Variants in NRG1 observed in about 807,000 individuals in gnomAD.
The protein encoded by NRG1 is neuregulin 1.
In NRG1, 18 loss-of-function variants were observed where a neutral mutation model predicts 63.8. The observed-to-expected ratio is 0.28, with a 90% CI of 0.19 to 0.42. The LOEUF is 0.42. Ranked by LOEUF, NRG1 falls within the 10% of genes least tolerant of loss-of-function variation. The pLI, the probability that NRG1 is intolerant of heterozygous loss-of-function variation, is 1.00. For missense variants in NRG1, 762 were observed against 814.7 expected (o/e 0.94, Z 0.79); for synonymous variants, 302 against 301.3 (o/e 1.00, Z -0.02).
intron 8 of NRG1, among the ~76,000 whole-genome samples, chr8:32,754,805 C>T (rs1829383942): frequency 6.6e-6 from 1 of 152,048 alleles, no homozygotes; most frequent in South Asian, 2.1e-4. Flanking sequence ...AGGGAGGGTA[C>T]CAGAAGTCCA....
chr8:32,221,698 A>G (rs1751292874), intron 1 of NRG1, among the ~76,000 whole-genome samples: 1 of 152,098 alleles, frequency 6.6e-6, no homozygotes, highest in Admixed American at 6.5e-5. Context: ...TTGATTGGGT[A>G]CTGATTATGG....
chr8:32,303,992 G>A (rs1015264568), intron 1 of NRG1, among the ~76,000 whole-genome samples: 4 of 152,178 alleles, frequency 2.6e-5, no homozygotes, highest in Admixed American at 2.6e-4. Context: ...CATCTGAACT[G>A]TGAAATTTTG....
At position 32,611,781 on chromosome 8, in the gene NRG1, TGA is replaced by T. The variant is rs1588684083; in HGVS notation, c.401-2732_401-2731del. On this transcript the variant is annotated intron_variant, in intron 3 of 11. Transcript: ENST00000356819. ...AAGTTTGGTAAAAAAGTCACATAAG[TGA>T]ATGTTGGAATACACACAGACACATT... 2.0e-5 allele frequency among the ~76,000 whole-genome samples: 3 copies of T among 152,126 alleles called. No individual in the cohort carries two copies. In the East Asian group the frequency reaches 5.8e-4, roughly 29 times the overall value.
At chr8:31,824,169 C>A (rs1343008849) in intron 1 of NRG1, among the ~76,000 whole-genome samples, 1 of 103,054 alleles carries the variant, frequency 9.7e-6, no homozygotes, top group Non-Finnish European at 1.9e-5. Flanking sequence ...CTTCCCCCCT[C>A]CCCCCTCCCC....
chr8:32,557,515 C>T (rs1835420487), intron 1 of NRG1, among the ~76,000 whole-genome samples: 1 of 152,082 alleles, frequency 6.6e-6, no homozygotes, highest in Non-Finnish European at 1.5e-5. Flanking sequence ...TCTTGAAGCC[C>T]ATGAGATGGT....
chr8:31,840,929 G>C (rs1214807619), intron 1 of NRG1, among the ~76,000 whole-genome samples: 1 of 151,964 alleles, frequency 6.6e-6, no homozygotes, highest in African/African-American at 2.4e-5. Flanking sequence ...TCTTAGTTTG[G>C]GTTTAGTATG....
At chr8:32,632,253 T>C (rs1850452743) in intron 5 of NRG1, among the ~76,000 whole-genome samples, 1 of 152,122 alleles carries the variant, frequency 6.6e-6, no homozygotes. Flanking sequence ...TAGACGTGCC[T>C]TAATTGGACA....
intron 1 of NRG1, among the ~76,000 whole-genome samples, chr8:31,692,109 A>G (rs1359181551): frequency 6.6e-6 from 1 of 152,252 alleles, no homozygotes; most frequent in Non-Finnish European, 1.5e-5. Context: ...TTGGGATTAC[A>G]GGTGTGAGCC....
At chr8:32,448,064 C>T (rs911806084) in intron 1 of NRG1, among the ~76,000 whole-genome samples, 1 of 152,100 alleles carries the variant, frequency 6.6e-6, no homozygotes, top group African/African-American at 2.4e-5. Flanking sequence ...CTTTCCTAAG[C>T]TAGCTTAGTT....
At chr8:31,904,469 T>G (rs1384403923) in intron 1 of NRG1, among the ~76,000 whole-genome samples, 1 of 152,198 alleles carries the variant, frequency 6.6e-6, no homozygotes, top group Non-Finnish European at 1.5e-5. Context: ...TCAGCTACTG[T>G]GGAAAGCAGT....
chr8:32,515,784 T>C (rs1210512109), intron 1 of NRG1, among the ~76,000 whole-genome samples: 1 of 152,168 alleles, frequency 6.6e-6, no homozygotes, highest in Non-Finnish European at 1.5e-5. Flanking sequence ...TGTTTATTGA[T>C]TTAAGTTCTT....
chr8:32,742,794 C>A lies in NRG1; in HGVS notation c.691+61C>A. The A allele has an allele frequency of 6.2e-7, 1 of 1,613,164 alleles. No individual in the cohort carries two copies. On this transcript the variant is annotated intron_variant, in intron 7 of 11. Coordinates refer to ENST00000356819, the Ensembl canonical transcript of NRG1. This position sits in a 1 kb window ranked among gnomAD's most constrained non-coding sequence, Gnocchi z 4.2. ...GAGCATGCTCAGTTGGTGCTGCTTTCTTGTTGCTGCATCTCCCCTCAGATT... is the reference window on the plus strand; with the variant it reads ...GAGCATGCTCAGTTGGTGCTGCTTTATTGTTGCTGCATCTCCCCTCAGATT...
intron 1 of NRG1, among the ~76,000 whole-genome samples, chr8:31,894,090 A>T (rs1411564952): frequency 2.0e-5 from 3 of 152,106 alleles, no homozygotes; most frequent in Non-Finnish European, 4.4e-5. Context: ...ATAGTCTGAC[A>T]GATTCTGATA....
intron 1 of NRG1, among the ~76,000 whole-genome samples, chr8:32,313,576 A>G (rs946355594): frequency 6.6e-6 from 1 of 152,230 alleles, no homozygotes; most frequent in Non-Finnish European, 1.5e-5. Flanking sequence ...GTCTGACAAT[A>G]AAAAGGAAAT....
chr8:32,767,088 A>T (rs570781249), exon 12 of NRG1: 3 of 152,338 alleles, frequency 2.0e-5, no homozygotes, highest in Non-Finnish European at 2.9e-5. Context: ...ATGCAAATAC[A>T]TGCAAAACTC....
At chr8:31,782,807 C>A (rs1023787608) in intron 1 of NRG1, among the ~76,000 whole-genome samples, 7 of 152,092 alleles carry the variant, frequency 4.6e-5, no homozygotes, top group Non-Finnish European at 8.8e-5. Context: ...AAATTGGGGT[C>A]TCGGGTTCTG....
intron 1 of NRG1, among the ~76,000 whole-genome samples, chr8:32,011,083 G>C (rs1321532444): frequency 1.3e-5 from 2 of 152,024 alleles, no homozygotes; most frequent in Admixed American, 6.6e-5. Context: ...ATGAATGGTG[G>C]GAAATGGCAG....
At chr8:32,686,481 G>C (rs1409401871) in intron 5 of NRG1, among the ~76,000 whole-genome samples, 1 of 152,176 alleles carries the variant, frequency 6.6e-6, no homozygotes. Context: ...AGGGAGACAG[G>C]GCCGGTAGTG....
Position 31,640,031 on chromosome 8 carries a change from G to T in NRG1, c.37+600G>T. On this transcript the variant is annotated intron_variant, in intron 1 of 10. Transcript: ENST00000519301. The surrounding 1 kb of genome is among the most constrained non-coding windows in gnomAD (Gnocchi z 6.3). The stretch of plus-strand genomic sequence containing the variant: ...CGCCGCTCCGGGCGTCCCGGCCCCC[G>T]GGCCCAGCGCCCCGGCTCCGCCGCC... 3 of 1,142,086 alleles carry T rather than the reference G, an allele frequency of 2.6e-6. No homozygotes were observed. The highest frequency in any genetic ancestry group is 3.2e-6 in the Non-Finnish European group (3 of 932,366). 70.7% of individuals were successfully genotyped at this position (1,142,086 alleles called of 1,614,324 possible). A position where few individuals can be genotyped will look rare whatever the true frequency, so the allele number is the denominator to read the frequency against.
Sources: allele counts gnomAD v4.1 joint callset (sites outside exome capture counted in the v4.1 genomes callset), GRCh38; gene constraint gnomAD v4.1.1; non-coding constraint Gnocchi (gnomAD v3.1); transcripts MANE v1.5; gene names NCBI Gene and HGNC (gene_info 2026-07-23, HGNC 2026-07-21).